Variants in AGXT2 observed in about 807,000 individuals in gnomAD.
AGXT2 encodes alanine--glyoxylate aminotransferase 2, also known as alanine--glyoxylate aminotransferase 2, mitochondrial.
In AGXT2, 61 loss-of-function variants were observed where a neutral mutation model predicts 62.5. That is an observed-to-expected ratio of 0.98 (90% confidence interval 0.79 to 1.21). AGXT2 has a LOEUF of 1.21. Ranked by LOEUF, AGXT2 falls within the 50% of genes most tolerant of loss-of-function variation. The pLI is 0.00. For synonymous variants in AGXT2, 243 were observed against 218.7 expected (o/e 1.11, Z -0.98); for missense variants, 666 against 641.5 (o/e 1.04, Z -0.41).
intron 1 of AGXT2, among the ~76,000 whole-genome samples, chr5:35,043,350 C>T (rs897730863): frequency 1.3e-5 from 2 of 152,074 alleles, no homozygotes; most frequent in Non-Finnish European, 2.9e-5. Context: ...GCAGTGGACA[C>T]AGTGTGATTT....
chr5:35,018,102 G>A (rs1417071330), intron 9 of AGXT2, among the ~76,000 whole-genome samples: 1 of 152,206 alleles, frequency 6.6e-6, no homozygotes, highest in Non-Finnish European at 1.5e-5. Context: ...TCTGATTGGT[G>A]TACCTGAAAG....
At chr5:35,011,773 T>G (rs961338300) in intron 11 of AGXT2, among the ~76,000 whole-genome samples, 5 of 151,716 alleles carry the variant, frequency 3.3e-5, no homozygotes, top group Non-Finnish European at 7.4e-5. Flanking sequence ...CTTCTGGGTA[T>G]CTACTCAAAG....
intron 2 of AGXT2, among the ~76,000 whole-genome samples, chr5:35,040,043 A>C (rs1427938886): frequency 6.6e-6 from 1 of 151,976 alleles, no homozygotes; most frequent in African/African-American, 2.4e-5. Flanking sequence ...GTGTGTGTGC[A>C]TGCACGTGTG....
rs114995669 is a variant in AGXT2 at position 35,015,124 on chromosome 5, C to T, written c.964-1005G>A. ...TTCTGTGCTTCAAAACAAACTTTGC[C>T]ATCACTTGGTTTCTGAAGGTTCTCC... On this transcript the variant is annotated intron_variant, in intron 9 of 13. Transcript: ENST00000231420. Among the ~76,000 whole-genome samples, 486 of 152,276 alleles carry T rather than the reference C, an allele frequency of 3.2e-3. 3 individuals are homozygous for T. Among genetic ancestry groups the T allele is most frequent in the Non-Finnish European group, 5.3e-3 (358 of 68,032 alleles).
intron 7 of AGXT2, chr5:35,027,003 G>C (rs1349781268): frequency 1.0e-6 from 1 of 985,276 alleles, no homozygotes; most frequent in Non-Finnish European, 1.2e-6. Flanking sequence ...AGAACAATTA[G>C]AATTCAGTCT....
At position 35,008,319 on chromosome 5, in the gene AGXT2, A is replaced by G. The variant is rs369105418; in HGVS notation, c.1338+1681T>C. On this transcript the variant is annotated intron_variant, in intron 12 of 13. Transcript: ENST00000231420. ...GGGGATTCTGGTGTTTTACTAAGAC[A>G]AAGTTGTGATGAACATCTTTGTTCA... Among the ~76,000 whole-genome samples the G allele has an allele frequency of 4.6e-5, 7 of 152,318 alleles. No homozygotes were observed. In the East Asian group the frequency reaches 9.6e-4, roughly 21 times the overall value.
Position 35,036,984 on chromosome 5 carries a change from T to C in AGXT2, c.444A>G (p.Glu148=), listed in dbSNP as rs773145343. 15 of 1,614,172 alleles carry C rather than the reference T, an allele frequency of 9.3e-6. No homozygotes were observed. In the East Asian group the frequency reaches 1.6e-4, roughly 17 times the overall value. The change falls in exon 4 of 14, where the codon GAA becomes GAG. Residue 148 remains glutamate (E), a synonymous_variant. Coordinates refer to ENST00000231420, the MANE Select transcript of AGXT2 (RefSeq NM_031900.4). ...GAAGTGCGGCAAGCTTCTCTGCATA[T>C]TCATGCATTGGAGGGTGGAAGAAGA... ...STVFFHPPMH[E]YAEKLAALLP...
intron 3 of AGXT2, among the ~76,000 whole-genome samples, chr5:35,039,088 A>G (rs1013278935): frequency 6.6e-6 from 1 of 152,180 alleles, no homozygotes. Flanking sequence ...CTCCAGTCAC[A>G]TGGTACATGC....
chr5:35,017,955 CTG>C (rs1171509511), intron 9 of AGXT2, among the ~76,000 whole-genome samples: 1 of 151,996 alleles, frequency 6.6e-6, no homozygotes, highest in African/African-American at 2.4e-5. Context: ...ATGAGATCAA[CTG>C]GAAGAAAGGG....
intron 1 of AGXT2, among the ~76,000 whole-genome samples, chr5:35,044,849 C>CT (rs1437759752): frequency 6.6e-6 from 1 of 152,210 alleles, no homozygotes; most frequent in Non-Finnish European, 1.5e-5. Context: ...TCAGTTCTGA[C>CT]TGTGGCAAGG....
chr5:35,007,710 C>A (rs1274461304), intron 12 of AGXT2, among the ~76,000 whole-genome samples: 1 of 152,128 alleles, frequency 6.6e-6, no homozygotes, highest in African/African-American at 2.4e-5. Flanking sequence ...AAAAGAGCCC[C>A]TTCTATAGAT....
intron 12 of AGXT2, among the ~76,000 whole-genome samples, chr5:35,008,676 C>G (rs1766516908): frequency 6.6e-6 from 1 of 152,210 alleles, no homozygotes; most frequent in South Asian, 2.1e-4. Flanking sequence ...CCTTGGCTTT[C>G]AAATCTTACT....
intron 9 of AGXT2, among the ~76,000 whole-genome samples, chr5:35,015,048 G>C (rs1209984292): frequency 6.6e-6 from 1 of 152,222 alleles, no homozygotes; most frequent in African/African-American, 2.4e-5. Context: ...TGTGCATGCT[G>C]TTCGCTCTTT....
intron 11 of AGXT2, among the ~76,000 whole-genome samples, chr5:35,012,198 C>A (rs572407369): frequency 1.0e-3 from 157 of 151,648 alleles, no homozygotes; most frequent in Non-Finnish European, 2.0e-3. Flanking sequence ...ATCCATGTAA[C>A]CAAAACCGAC....
chr5:35,010,900 T>C (rs886073524), intron 11 of AGXT2, among the ~76,000 whole-genome samples: 1 of 152,132 alleles, frequency 6.6e-6, no homozygotes, highest in Admixed American at 6.5e-5. Context: ...CAGCCAGACA[T>C]GGACTCTCAT....
chr5:35,020,890 T>A (rs574889856), intron 9 of AGXT2, among the ~76,000 whole-genome samples: 2 of 152,026 alleles, frequency 1.3e-5, no homozygotes, highest in Non-Finnish European at 2.9e-5. Flanking sequence ...GGATACAAAA[T>A]CAATGTACAA....
intron 1 of AGXT2, among the ~76,000 whole-genome samples, chr5:35,041,538 A>G (rs898738515): frequency 1.3e-5 from 2 of 152,042 alleles, no homozygotes; most frequent in Admixed American, 1.3e-4. Context: ...CAGCAGTGGG[A>G]TGGAATAATG....
At chr5:35,004,005 TC>T (rs1364227405) in intron 12 of AGXT2, 144 bp from the exon 13 acceptor site, 16 of 690,628 alleles carry the variant, frequency 2.3e-5, no homozygotes, top group Non-Finnish European at 7.3e-6. Context: ...GTCCTCTCCT[TC>T]CCCTGTAATT....
intron 11 of AGXT2, 149 bp downstream of exon 11, chr5:35,012,805 T>C (rs1288883356): frequency 1.2e-6 from 1 of 808,608 alleles, no homozygotes; most frequent in African/African-American, 1.7e-5. Context: ...GAAGGCAGAA[T>C]AATAAATGGA....
Sources: allele counts gnomAD v4.1 joint callset (sites outside exome capture counted in the v4.1 genomes callset), GRCh38; gene constraint gnomAD v4.1.1; transcripts MANE v1.5; gene names NCBI Gene and HGNC (gene_info 2026-07-23, HGNC 2026-07-21).